Variants in SMIM41 observed in about 807,000 individuals in gnomAD.
SMIM41 encodes small integral membrane protein 41.
intron 2 of SMIM41, among the ~76,000 whole-genome samples, chr12:52,100,057 T>C (rs1193770198): frequency 6.6e-6 from 1 of 152,086 alleles, no homozygotes; most frequent in African/African-American, 2.4e-5. Flanking sequence ...GTACACACCC[T>C]GTGATATTGG....
chr12:52,087,977 C>G (rs757642376), intron 2 of SMIM41, among the ~76,000 whole-genome samples: 9 of 152,332 alleles, frequency 5.9e-5, no homozygotes, highest in African/African-American at 2.2e-4. Flanking sequence ...AAATCGCCAC[C>G]TCTCGGCCCG....
intron 2 of SMIM41, among the ~76,000 whole-genome samples, chr12:52,093,026 A>G (rs1015076283): frequency 2.6e-5 from 4 of 151,998 alleles, no homozygotes; most frequent in Non-Finnish European, 5.9e-5. Flanking sequence ...CTACAATACA[A>G]AAAAAATAAA....
At chr12:52,083,037 T>C (rs572950946) in intron 1 of SMIM41, among the ~76,000 whole-genome samples, 1 of 152,292 alleles carries the variant, frequency 6.6e-6, no homozygotes, top group South Asian at 2.1e-4. Context: ...ACTGCTCCAC[T>C]GGACCTCTGG....
chr12:52,096,322 G>A (rs757871356), intron 2 of SMIM41, among the ~76,000 whole-genome samples: 10 of 151,738 alleles, frequency 6.6e-5, no homozygotes, highest in Non-Finnish European at 1.3e-4. Context: ...TGGGAGTAAC[G>A]TCATACTCCA....
At chr12:52,096,561 A>C (rs1469159447) in intron 2 of SMIM41, among the ~76,000 whole-genome samples, 1 of 151,772 alleles carries the variant, frequency 6.6e-6, no homozygotes, top group African/African-American at 2.4e-5. Flanking sequence ...GATAATAAAA[A>C]GTTTTTGGAT....
intron 2 of SMIM41, among the ~76,000 whole-genome samples, chr12:52,102,886 T>C (rs1221546562): frequency 6.6e-6 from 1 of 151,696 alleles, no homozygotes; most frequent in Non-Finnish European, 1.5e-5. Flanking sequence ...AAGCCAGGAG[T>C]GGAAGAGATA....
At chr12:52,083,036 C>T (rs989968797) in intron 1 of SMIM41, among the ~76,000 whole-genome samples, 3 of 152,198 alleles carry the variant, frequency 2.0e-5, no homozygotes, top group Admixed American at 6.5e-5. Context: ...AACTGCTCCA[C>T]TGGACCTCTG....
intron 2 of SMIM41, among the ~76,000 whole-genome samples, chr12:52,096,562 G>A (rs1158824308): frequency 2.6e-5 from 4 of 151,554 alleles, no homozygotes; most frequent in Admixed American, 2.0e-4. Flanking sequence ...ATAATAAAAA[G>A]TTTTTGGATT....
chr12:52,106,691 A>G (rs143220928), intron 2 of SMIM41, among the ~76,000 whole-genome samples: 1,612 of 152,336 alleles, frequency 0.011, 19 homozygotes, highest in African/African-American at 0.037. Context: ...GACAGGAGTT[A>G]TAGCTTACAT....
intron 2 of SMIM41, among the ~76,000 whole-genome samples, chr12:52,101,132 G>T (rs1207370580): frequency 1.3e-5 from 2 of 152,116 alleles, no homozygotes; most frequent in African/African-American, 4.8e-5. Context: ...GAACAAAAAA[G>T]AAAATCTTGG....
chr12:52,105,095 T>C (rs1305115427), intron 2 of SMIM41, among the ~76,000 whole-genome samples: 1 of 152,232 alleles, frequency 6.6e-6, no homozygotes, highest in African/African-American at 2.4e-5. Flanking sequence ...ATTTGGCCAG[T>C]CCTCTCCCTG....
At chr12:52,101,253 G>A (rs1592330384) in intron 2 of SMIM41, among the ~76,000 whole-genome samples, 2 of 152,056 alleles carry the variant, frequency 1.3e-5, no homozygotes, top group Admixed American at 6.6e-5. Context: ...TGAAACCCCC[G>A]TCTCTACTAA....
intron 2 of SMIM41, among the ~76,000 whole-genome samples, chr12:52,098,987 G>A (rs545008935): frequency 3.2e-4 from 49 of 152,140 alleles, no homozygotes; most frequent in Non-Finnish European, 1.0e-4. Context: ...TACACCCCCT[G>A]CGATATCGGG....
At chr12:52,080,226 G>A in intron 1 of SMIM41, 45 bp downstream of exon 1, 1 of 267,758 alleles carries the variant, frequency 3.7e-6, no homozygotes, top group Non-Finnish European at 7.1e-6. Flanking sequence ...GGTTCGGGGG[G>A]CTACAGTAGC....
At chr12:52,097,007 A>T (rs538516679) in intron 2 of SMIM41, among the ~76,000 whole-genome samples, 2 of 152,040 alleles carry the variant, frequency 1.3e-5, no homozygotes, top group South Asian at 4.2e-4. Flanking sequence ...CTACCCTGTG[A>T]TATTGTCCCT....
intron 2 of SMIM41, among the ~76,000 whole-genome samples, chr12:52,100,930 A>T (rs1457530692): frequency 6.6e-6 from 1 of 152,228 alleles, no homozygotes; most frequent in Non-Finnish European, 1.5e-5. Context: ...CATTTTAAAA[A>T]TATTTGCTTT....
At chr12:52,103,219 C>T (rs370415029) in intron 2 of SMIM41, among the ~76,000 whole-genome samples, 4 of 151,852 alleles carry the variant, frequency 2.6e-5, no homozygotes, top group South Asian at 2.1e-4. Context: ...CCCAGCTACT[C>T]GGGAGGCTGA....
rs752024622 is a variant in SMIM41 at position 52,081,121 on chromosome 12, C to T, written c.*120+940C>T. ...GGCCTGAGGACAAGGTAACTACAGG[C>T]GAAAGCCACCTGGGACAGAGCCACA... On this transcript the variant is annotated intron_variant, in intron 1 of 2. Coordinates refer to ENST00000546390, the MANE Select transcript of SMIM41 (RefSeq NM_001369216.1). This position sits in a 1 kb window ranked among gnomAD's most constrained non-coding sequence, Gnocchi z 4.1. Among the ~76,000 whole-genome samples, 2 of 152,114 alleles carry T rather than the reference C, an allele frequency of 1.3e-5. No individual in the cohort carries two copies. Among genetic ancestry groups the T allele is most frequent in the Non-Finnish European group, 1.5e-5 (1 of 68,006 alleles).
intron 2 of SMIM41, among the ~76,000 whole-genome samples, chr12:52,102,784 G>A (rs571930992): frequency 2.2e-3 from 340 of 152,318 alleles, no homozygotes; most frequent in African/African-American, 7.3e-3. Context: ...AAGGAACAGG[G>A]AAAATAGTAT....
Sources: allele counts gnomAD v4.1 joint callset (sites outside exome capture counted in the v4.1 genomes callset), GRCh38; gene constraint gnomAD v4.1.1; non-coding constraint Gnocchi (gnomAD v3.1); transcripts MANE v1.5; gene names NCBI Gene and HGNC (gene_info 2026-07-23, HGNC 2026-07-21).